Variants in PDE4D observed in about 807,000 individuals in gnomAD.
PDE4D encodes phosphodiesterase 4D, also known as 3',5'-cyclic-AMP phosphodiesterase 4D.
PDE4D carries 24 observed loss-of-function variants against 87.4 expected under a neutral mutation model. That is an observed-to-expected ratio of 0.27 (90% confidence interval 0.20 to 0.39). The LOEUF (loss-of-function observed/expected upper bound fraction) is 0.39, where lower values mean the gene tolerates loss of function less well. Among genes scored for constraint, PDE4D ranks in the 10% least tolerant of loss-of-function variants. The probability of loss-of-function intolerance (pLI) is 1.00; values close to 1 mark genes in which losing one functional copy is unlikely to be tolerated. For missense variants in PDE4D, 714 were observed against 1,041.0 expected (o/e 0.69, Z 4.32); for synonymous variants, 384 against 383.2 (o/e 1.00, Z -0.02).
At chr5:59,624,856 T>C (rs905014701) in intron 1 of PDE4D, among the ~76,000 whole-genome samples, 3 of 152,190 alleles carry the variant, frequency 2.0e-5, no homozygotes, top group South Asian at 2.1e-4. Context: ...GCTGTGATTA[T>C]TGTCTTTCTT....
chr5:60,296,419 T>G (rs1753389214), intron 1 of PDE4D, among the ~76,000 whole-genome samples: 1 of 152,134 alleles, frequency 6.6e-6, no homozygotes, highest in African/African-American at 2.4e-5. Context: ...CCTTCTTACC[T>G]CCAATGCAGC....
At chr5:60,471,308 T>C (rs1048810844) in intron 1 of PDE4D, among the ~76,000 whole-genome samples, 7 of 152,156 alleles carry the variant, frequency 4.6e-5, no homozygotes, top group Non-Finnish European at 1.0e-4. Flanking sequence ...TTCTTACACA[T>C]AAGCCAAGAA....
At chr5:59,534,094 T>A (rs1250275728) in intron 1 of PDE4D, among the ~76,000 whole-genome samples, 1 of 152,160 alleles carries the variant, frequency 6.6e-6, no homozygotes, top group Non-Finnish European at 1.5e-5. Flanking sequence ...AAAATAAACA[T>A]TGTATATATT....
chr5:60,234,257 T>C (rs1271696458), intron 1 of PDE4D, among the ~76,000 whole-genome samples: 2 of 151,878 alleles, frequency 1.3e-5, no homozygotes, highest in African/African-American at 2.4e-5. Context: ...TTCATCCATG[T>C]TGTAGCATAT....
At chr5:59,303,291 CTT>C (rs1232533251) in intron 1 of PDE4D, among the ~76,000 whole-genome samples, 1 of 152,082 alleles carries the variant, frequency 6.6e-6, no homozygotes, top group Non-Finnish European at 1.5e-5. Context: ...GGATACTACC[CTT>C]TGTCAGAGGT....
intron 1 of PDE4D, among the ~76,000 whole-genome samples, chr5:60,228,123 C>A (rs1467824207): frequency 3.3e-5 from 5 of 152,076 alleles, no homozygotes; most frequent in Non-Finnish European, 7.4e-5. Flanking sequence ...GGAATATTAT[C>A]CTGACTTCCC....
At chr5:60,480,041 C>T (rs1438317848) in intron 1 of PDE4D, among the ~76,000 whole-genome samples, 1 of 152,184 alleles carries the variant, frequency 6.6e-6, no homozygotes, top group Non-Finnish European at 1.5e-5. Flanking sequence ...AGGGCTGATG[C>T]AGTAGAGCAG....
chr5:59,122,860 T>C (rs1774784590), intron 5 of PDE4D, among the ~76,000 whole-genome samples: 1 of 152,178 alleles, frequency 6.6e-6, no homozygotes, highest in Non-Finnish European at 1.5e-5. Context: ...CACTTTTAAC[T>C]TCAATGTATG....
intron 1 of PDE4D, among the ~76,000 whole-genome samples, chr5:59,598,569 G>A (rs1341791428): frequency 6.6e-6 from 1 of 152,138 alleles, no homozygotes; most frequent in African/African-American, 2.4e-5. Context: ...CATTTGAGAT[G>A]AGGCTGCTGC....
At chr5:59,969,344 G>T (rs1760435621) in intron 3 of PDE4D, among the ~76,000 whole-genome samples, 1 of 152,128 alleles carries the variant, frequency 6.6e-6, no homozygotes, top group Admixed American at 6.6e-5. Context: ...GGAAAGATGG[G>T]AGAAGAAAAC....
chr5:59,950,105 A>G (rs192848508), intron 3 of PDE4D, among the ~76,000 whole-genome samples: 1 of 152,302 alleles, frequency 6.6e-6, no homozygotes, highest in East Asian at 1.9e-4. Context: ...TGTTATTTTT[A>G]TTAAGAGATC....
intron 1 of PDE4D, among the ~76,000 whole-genome samples, chr5:59,758,238 TA>T (rs1308758979): frequency 6.6e-6 from 1 of 152,168 alleles, no homozygotes; most frequent in Non-Finnish European, 1.5e-5. Context: ...GCTGCATATG[TA>T]AAGTACGGTT....
At position 60,267,117 on chromosome 5, in the gene PDE4D, CG is replaced by C. The variant is rs1750297894; in HGVS notation, c.-89-81431del. 2.0e-5 allele frequency among the ~76,000 whole-genome samples: 3 copies of C among 152,068 alleles called. No individual in the cohort carries two copies. The South Asian group carries it at 6.2e-4, about 31-fold the overall frequency. On this transcript the variant is annotated intron_variant, in intron 1 of 16. Coordinates refer to the PDE4D transcript ENST00000502484. Reference sequence around the variant, plus strand: ...ATCGCCAATACATATAGAATAAGGACGTAAAACTGTCCGTGTGTTTCCGTTA... The same window carrying C: ...ATCGCCAATACATATAGAATAAGGACTAAAACTGTCCGTGTGTTTCCGTTA...
chr5:59,467,807 G>A (rs1801805410), intron 1 of PDE4D, among the ~76,000 whole-genome samples: 1 of 152,052 alleles, frequency 6.6e-6, no homozygotes, highest in Non-Finnish European at 1.5e-5. Context: ...GAGTTCACTG[G>A]TATTTCATTT....
At chr5:60,093,774 G>A (rs1775382296) in intron 2 of PDE4D, among the ~76,000 whole-genome samples, 1 of 132,958 alleles carries the variant, frequency 7.5e-6, no homozygotes, top group African/African-American at 2.8e-5. Context: ...TTTTTAACTG[G>A]GCAAATGTAA....
At chr5:59,215,402 C>A in intron 2 of PDE4D, 1 of 243,750 alleles carries the variant, frequency 4.1e-6, no homozygotes, top group Non-Finnish European at 7.9e-6. Flanking sequence ...GAGTTGAAAG[C>A]TTTTCAAAAT....
intron 2 of PDE4D, among the ~76,000 whole-genome samples, chr5:60,075,653 T>C (rs1015748736): frequency 1.3e-5 from 2 of 152,216 alleles, no homozygotes; most frequent in Non-Finnish European, 2.9e-5. Context: ...CAATGAGTCA[T>C]AGATTTGGTC....
chr5:58,975,878 C>A lies in PDE4D; in HGVS notation c.1831-39G>T. ...ATGCATTCTCTATTCACTCCTGTTC[C>A]TTTTTTTTAAAAAAAAAAACAAAAA... On this transcript the variant is annotated intron_variant, in intron 13 of 14. Transcript: ENST00000340635. This position sits in a 1 kb window ranked among gnomAD's most constrained non-coding sequence, Gnocchi z 4.2. The A allele has an allele frequency of 3.4e-6, 4 of 1,189,360 alleles. No individual in the cohort carries two copies. Among genetic ancestry groups the A allele is most frequent in the Non-Finnish European group, 4.3e-6 (4 of 925,784 alleles). The allele number at this position is 1,189,360 out of a possible 1,614,324, so 73.7% of individuals were successfully genotyped here.
chr5:59,008,173 C>T (rs1752024356), intron 6 of PDE4D, among the ~76,000 whole-genome samples: 3 of 152,116 alleles, frequency 2.0e-5, no homozygotes, highest in South Asian at 4.1e-4. Context: ...AAAAACTTCA[C>T]ATAAATGAAG....
Sources: allele counts gnomAD v4.1 joint callset (sites outside exome capture counted in the v4.1 genomes callset), GRCh38; gene constraint gnomAD v4.1.1; non-coding constraint Gnocchi (gnomAD v3.1); transcripts MANE v1.5; gene names NCBI Gene and HGNC (gene_info 2026-07-23, HGNC 2026-07-21).